Variants in ADO observed in about 807,000 individuals in gnomAD.
ADO encodes 2-aminoethanethiol (cysteamine) dioxygenase.
In ADO, 9 loss-of-function variants were observed where a neutral mutation model predicts 16.6. The ratio of observed to expected loss-of-function variants is 0.54; its 90% confidence interval spans 0.33 to 0.95. ADO has a LOEUF of 0.95. ADO is among the 40% of genes least tolerant of loss of function. The pLI is 0.03. For missense variants in ADO, 356 were observed against 386.4 expected (o/e 0.92, Z 0.66); for synonymous variants, 189 against 179.6 (o/e 1.05, Z -0.42).
In ADO at chr10:62,808,157, C is replaced by T; in HGVS notation, c.*2285C>T. 1.8e-5 allele frequency: 3 copies of T among 167,312 alleles called. No individual in the cohort carries two copies. The allele number at this position is 167,312 out of a possible 1,614,324, so 10.4% of individuals were successfully genotyped here. A position where few individuals can be genotyped will look rare whatever the true frequency, so the allele number is the denominator to read the frequency against. ...ATTTAGTTCAATAAGAACAGTGAAA[C>T]TTTTGGTTCACTAATAAATTCTGAG... On this transcript the variant is annotated 3_prime_UTR_variant, in exon 1 of 1. Transcript: ENST00000373783.
In ADO at chr10:62,808,282, C is replaced by T. The variant is rs1041983715; in HGVS notation, c.*2410C>T. 3 of 167,266 alleles carry T rather than the reference C, an allele frequency of 1.8e-5. No homozygotes were observed. Among genetic ancestry groups the T allele is most frequent in the Non-Finnish European group, 4.4e-5 (3 of 68,130 alleles). 10.4% of individuals were successfully genotyped at this position (167,266 alleles called of 1,614,324 possible). A position where few individuals can be genotyped will look rare whatever the true frequency, so the allele number is the denominator to read the frequency against. The stretch of plus-strand genomic sequence containing the variant: ...AAAATGTGGTGCAGAAACTATCTTG[C>T]ACCTGTGTGCATAAACTGTTAGTCG... On this transcript the variant is annotated 3_prime_UTR_variant, in exon 1 of 1. Coordinates refer to ENST00000373783, the MANE Select transcript of ADO (RefSeq NM_032804.6).
chr10:62,805,987 C>CCCAAGG lies in ADO; in HGVS notation c.*116_*117insCAAGGC. On this transcript the variant is annotated 3_prime_UTR_variant, in exon 1 of 1. Coordinates refer to ENST00000373783, the MANE Select transcript of ADO (RefSeq NM_032804.6). This position sits in a 1 kb window ranked among gnomAD's most constrained non-coding sequence, Gnocchi z 6.4. The stretch of plus-strand genomic sequence containing the variant: ...CTACTGGAATGAGCAGCAGCCGCTT[C>CCCAAGG]CTCGGCAGCCTTGGGAAGCACGGGC... 2.1e-6 allele frequency: 2 copies of CCCAAGG among 956,986 alleles called. No individual in the cohort carries two copies. The highest frequency in any genetic ancestry group is 2.8e-6 in the Non-Finnish European group (2 of 723,910). 59.3% of individuals were successfully genotyped at this position (956,986 alleles called of 1,614,324 possible). A position where few individuals can be genotyped will look rare whatever the true frequency, so the allele number is the denominator to read the frequency against.
Position 62,805,035 on chromosome 10 carries a change from C to T in ADO, c.-25C>T, listed in dbSNP as rs1001685158. The stretch of plus-strand genomic sequence containing the variant: ...GGCGGAGGAAAGGAGGGGGCCGGTC[C>T]CGGCACGCAGAGGAGCAGCCGACCA... On this transcript the variant is annotated 5_prime_UTR_variant, in exon 1 of 1. Coordinates refer to ENST00000373783, the MANE Select transcript of ADO (RefSeq NM_032804.6). The surrounding 1 kb of genome is among the most constrained non-coding windows in gnomAD (Gnocchi z 6.4). The T allele has an allele frequency of 2.1e-6, 3 of 1,433,776 alleles. No individual in the cohort carries two copies. Among genetic ancestry groups the T allele is most frequent in the Admixed American group, 6.1e-5 (2 of 33,034 alleles). The allele number at this position is 1,433,776 out of a possible 1,614,324, so 88.8% of individuals were successfully genotyped here. A position where few individuals can be genotyped will look rare whatever the true frequency, so the allele number is the denominator to read the frequency against.
Position 62,805,404 on chromosome 10 carries a change from G to A in ADO, c.345G>A (p.Pro115=), listed in dbSNP as rs541712569. 5.7e-6 allele frequency: 9 copies of A among 1,584,942 alleles called. No homozygotes were observed. Among genetic ancestry groups the A allele is most frequent in the East Asian group, 2.3e-5 (1 of 43,484 alleles). Residue 115 remains proline (P), a synonymous_variant, in exon 1 of 1, where the codon CCG becomes CCA. Coordinates refer to ENST00000373783, the MANE Select transcript of ADO (RefSeq NM_032804.6). The surrounding 1 kb of genome is among the most constrained non-coding windows in gnomAD (Gnocchi z 6.4). ...SGTSIPLHDH[P]GMHGMLKVLY... ...CGTCCATCCCGCTGCACGACCACCC[G>A]GGCATGCACGGCATGCTCAAGGTGC...
Position 62,807,233 on chromosome 10 carries a change from A to C in ADO, c.*1361A>C, listed in dbSNP as rs1426779893. ...CACATGTATTGACACCATTTGCTTC[A>C]GGCCATGGAGCACTGTTTCTCCCTT... is the stretch of plus-strand genomic sequence containing the variant. On this transcript the variant is annotated 3_prime_UTR_variant, in exon 1 of 1. Transcript: ENST00000373783. The C allele has an allele frequency of 6.0e-6, 1 of 167,240 alleles. No homozygotes were observed. The highest frequency in any genetic ancestry group is 1.5e-5 in the Non-Finnish European group (1 of 68,124). 10.4% of individuals were successfully genotyped at this position (167,240 alleles called of 1,614,324 possible). A position where few individuals can be genotyped will look rare whatever the true frequency, so the allele number is the denominator to read the frequency against.
chr10:62,804,901 G>A lies in ADO; in HGVS notation c.-159G>A, dbSNP rs2132688083. 1 of 585,758 alleles carries A rather than the reference G, an allele frequency of 1.7e-6. No individual in the cohort carries two copies. Among genetic ancestry groups the A allele is most frequent in the Middle Eastern group, 5.5e-4 (1 of 1,820 alleles). 36.3% of individuals were successfully genotyped at this position (585,758 alleles called of 1,614,324 possible). A position where few individuals can be genotyped will look rare whatever the true frequency, so the allele number is the denominator to read the frequency against. ...CGCGCCGGGCAGTTGCGGGCGCGTGGCTGCTGAGGTTGGCGGCGGTGCCGC... is the reference window on the plus strand; with the variant it reads ...CGCGCCGGGCAGTTGCGGGCGCGTGACTGCTGAGGTTGGCGGCGGTGCCGC... On this transcript the variant is annotated 5_prime_UTR_variant, in exon 1 of 1. Transcript: ENST00000373783.
At position 62,805,392 on chromosome 10, in the gene ADO, G is replaced by T; in HGVS notation, c.333G>T (p.Leu111=). Reference sequence around the variant, plus strand: ...TCAAGAGCGGCACGTCCATCCCGCTGCACGACCACCCGGGCATGCACGGCA... The same window carrying T: ...TCAAGAGCGGCACGTCCATCCCGCTTCACGACCACCCGGGCATGCACGGCA... The part of the protein sequence containing the change: ...FLLKSGTSIP[L]HDHPGMHGML... The change falls in exon 1 of 1, where the codon CTG becomes CTT. Residue 111 remains leucine, a synonymous_variant. Transcript: ENST00000373783. This position sits in a 1 kb window ranked among gnomAD's most constrained non-coding sequence, Gnocchi z 6.4. 1 of 1,592,272 alleles carries T rather than the reference G, an allele frequency of 6.3e-7. No homozygotes were observed. Among genetic ancestry groups the T allele is most frequent in the Non-Finnish European group, 8.5e-7 (1 of 1,172,928 alleles).
Position 62,805,358 on chromosome 10 carries a change from T to C in ADO, c.299T>C (p.Val100Ala). ...IYETDGFSLG[V>A]FLLKSGTSIP... The stretch of plus-strand genomic sequence containing the variant: ...GAGACGGACGGCTTCAGCCTGGGCG[T>C]GTTCCTGCTCAAGAGCGGCACGTCC... Residue 100 changes from valine to alanine, a missense_variant, in exon 1 of 1, where the codon GTG (valine) becomes GCG (alanine). Val to Ala is a moderately conservative substitution (Grantham distance 64). Transcript: ENST00000373783. This position sits in a 1 kb window ranked among gnomAD's most constrained non-coding sequence, Gnocchi z 6.4. 6.2e-7 allele frequency: 1 copy of C among 1,601,896 alleles called. No individual in the cohort carries two copies. Among genetic ancestry groups the C allele is most frequent in the Non-Finnish European group, 8.5e-7 (1 of 1,177,796 alleles).
At position 62,805,981 on chromosome 10, in the gene ADO, C is replaced by A; in HGVS notation, c.*109C>A. 9.6e-7 allele frequency: 1 copy of A among 1,043,694 alleles called. No homozygotes were observed. The highest frequency in any genetic ancestry group is 1.3e-6 in the Non-Finnish European group (1 of 795,376). 64.7% of individuals were successfully genotyped at this position (1,043,694 alleles called of 1,614,324 possible). Reference sequence around the variant, plus strand: ...TTGGATCTACTGGAATGAGCAGCAGCCGCTTCCTCGGCAGCCTTGGGAAGC... The same window carrying A: ...TTGGATCTACTGGAATGAGCAGCAGACGCTTCCTCGGCAGCCTTGGGAAGC... On this transcript the variant is annotated 3_prime_UTR_variant, in exon 1 of 1. Transcript: ENST00000373783. This position sits in a 1 kb window ranked among gnomAD's most constrained non-coding sequence, Gnocchi z 6.4.
In ADO at chr10:62,806,101, C is replaced by T. The variant is rs1289702515; in HGVS notation, c.*229C>T. 1 of 487,572 alleles carries T rather than the reference C, an allele frequency of 2.1e-6. No individual in the cohort carries two copies. Among genetic ancestry groups the T allele is most frequent in the Non-Finnish European group, 3.7e-6 (1 of 270,548 alleles). 30.2% of individuals were successfully genotyped at this position (487,572 alleles called of 1,614,324 possible). On this transcript the variant is annotated 3_prime_UTR_variant, in exon 1 of 1. Transcript: ENST00000373783. The stretch of plus-strand genomic sequence containing the variant: ...CCTGGTACTGTCACTGCCACTGGGG[C>T]TTTGATTTGGAGGAATGGGGCAGGG...
Position 62,805,589 on chromosome 10 carries a change from C to T in ADO, c.530C>T (p.Thr177Ile), listed in dbSNP as rs1289361332. 6.3e-7 allele frequency: 1 copy of T among 1,585,602 alleles called. No homozygotes were observed. Among genetic ancestry groups the T allele is most frequent in the Non-Finnish European group, 8.6e-7 (1 of 1,167,254 alleles). ...PGVLRSRAEY[T>I]EASGPCILTP... ...GTGCTGCGTTCGCGGGCCGAGTACACCGAGGCCAGCGGCCCCTGCATCCTC... is the reference window on the plus strand; with the variant it reads ...GTGCTGCGTTCGCGGGCCGAGTACATCGAGGCCAGCGGCCCCTGCATCCTC... The change falls in exon 1 of 1, where the codon ACC (threonine) becomes ATC (isoleucine). Residue 177 changes from threonine (T) to isoleucine (I), a missense_variant. Transcript: ENST00000373783. This position sits in a 1 kb window ranked among gnomAD's most constrained non-coding sequence, Gnocchi z 6.4.
Position 62,808,180 on chromosome 10 carries a change from G to T in ADO, c.*2308G>T, listed in dbSNP as rs1589078009. 1 of 167,218 alleles carries T rather than the reference G, an allele frequency of 6.0e-6. No homozygotes were observed. The highest frequency in any genetic ancestry group is 2.1e-4 in the South Asian group (1 of 4,830). The allele number at this position is 167,218 out of a possible 1,614,324, so 10.4% of individuals were successfully genotyped here. A position where few individuals can be genotyped will look rare whatever the true frequency, so the allele number is the denominator to read the frequency against. On this transcript the variant is annotated 3_prime_UTR_variant, in exon 1 of 1. Coordinates refer to ENST00000373783, the MANE Select transcript of ADO (RefSeq NM_032804.6). ...AACTTTTGGTTCACTAATAAATTCT[G>T]AGTAAATTAGTGGTGAAGACAAAAT...
Position 62,805,283 on chromosome 10 carries a change from T to C in ADO, c.224T>C (p.Leu75Pro), listed in dbSNP as rs761740161. 6.2e-7 allele frequency: 1 copy of C among 1,602,698 alleles called. No homozygotes were observed. The highest frequency in any genetic ancestry group is 1.1e-5 in the South Asian group (1 of 90,642). ...AACATCGCCCCGCGCAAGGCCACACTGCAGCCGCTGCCGCCCAACCTGCCG... is the reference window on the plus strand; with the variant it reads ...AACATCGCCCCGCGCAAGGCCACACCGCAGCCGCTGCCGCCCAACCTGCCG... Reference protein sequence around the residue: ...DLNIAPRKATLQPLPPNLPPV... With the variant: ...DLNIAPRKATPQPLPPNLPPV... The change falls in exon 1 of 1, where the codon CTG becomes CCG. Residue 75 changes from leucine (L) to proline (P), a missense_variant. By Grantham distance (98) the Leu-to-Pro change is moderately conservative (BLOSUM62 -3). Coordinates refer to ENST00000373783, the MANE Select transcript of ADO (RefSeq NM_032804.6). This position sits in a 1 kb window ranked among gnomAD's most constrained non-coding sequence, Gnocchi z 6.4.
rs927266396 is a variant in ADO, at chr10:62,807,008, T to C, written c.*1136T>C. On this transcript the variant is annotated 3_prime_UTR_variant, in exon 1 of 1. Transcript: ENST00000373783. ...GCCCTGGGTTCATCTAATGTGGTTT[T>C]CCTTAGGAAGAGATAGAAGGCACAG... 1 of 167,258 alleles carries C rather than the reference T, an allele frequency of 6.0e-6. No homozygotes were observed. Among genetic ancestry groups the C allele is most frequent in the Non-Finnish European group, 1.5e-5 (1 of 68,122 alleles). 10.4% of individuals were successfully genotyped at this position (167,258 alleles called of 1,614,324 possible). A position where few individuals can be genotyped will look rare whatever the true frequency, so the allele number is the denominator to read the frequency against.
chr10:62,804,785 G>A lies in ADO; in HGVS notation c.-275G>A, dbSNP rs1450038603. 1 of 242,228 alleles carries A rather than the reference G, an allele frequency of 4.1e-6. No homozygotes were observed. The highest frequency in any genetic ancestry group is 2.3e-5 in the African/African-American group (1 of 43,966). 15.0% of individuals were successfully genotyped at this position (242,228 alleles called of 1,614,324 possible). On this transcript the variant is annotated 5_prime_UTR_variant, in exon 1 of 1. Transcript: ENST00000373783. ...GAGCGCCGGGCGTAAGGCAAAGCCT[G>A]GCACCGTCTGCGCGGCCGCTATCTG...
chr10:62,805,140 C>T lies in ADO; in HGVS notation c.81C>T (p.Gly27=), dbSNP rs1389102248. The T allele has an allele frequency of 1.3e-6, 2 of 1,571,728 alleles. No homozygotes were observed. The change falls in exon 1 of 1, where the codon GGC becomes GGT. Residue 27 remains glycine (G), a synonymous_variant. Coordinates refer to ENST00000373783, the MANE Select transcript of ADO (RefSeq NM_032804.6). The surrounding 1 kb of genome is among the most constrained non-coding windows in gnomAD (Gnocchi z 6.4). ...TCACCTTCCGGGGCAGCGGGGGCGGCCGCGGCGCTTCCGATCGCGACGCGG... is the reference window on the plus strand; with the variant it reads ...TCACCTTCCGGGGCAGCGGGGGCGGTCGCGGCGCTTCCGATCGCGACGCGG... ...ACLTFRGSGG[G]RGASDRDAAS...
In ADO at chr10:62,808,356, A is replaced by G. The variant is rs963474876; in HGVS notation, c.*2484A>G. 2.4e-5 allele frequency: 4 copies of G among 167,274 alleles called. No individual in the cohort carries two copies. The Admixed American group carries it at 2.6e-4, about 11-fold the overall frequency. 10.4% of individuals were successfully genotyped at this position (167,274 alleles called of 1,614,324 possible). A position where few individuals can be genotyped will look rare whatever the true frequency, so the allele number is the denominator to read the frequency against. Reference sequence around the variant, plus strand: ...TGTGTTTCTATATACTCCGTCCAATATAGATAATGTTTTAATAACAACTGT... The same window carrying G: ...TGTGTTTCTATATACTCCGTCCAATGTAGATAATGTTTTAATAACAACTGT... On this transcript the variant is annotated 3_prime_UTR_variant, in exon 1 of 1. Coordinates refer to ENST00000373783, the MANE Select transcript of ADO (RefSeq NM_032804.6).
Position 62,805,946 on chromosome 10 carries a change from A to T in ADO, c.*74A>T. Reference sequence around the variant, plus strand: ...CACAAGGGCTGTGTCTCTACCCCCTAGCCTGGGCGTTGGATCTACTGGAAT... The same window carrying T: ...CACAAGGGCTGTGTCTCTACCCCCTTGCCTGGGCGTTGGATCTACTGGAAT... On this transcript the variant is annotated 3_prime_UTR_variant, in exon 1 of 1. Coordinates refer to ENST00000373783, the MANE Select transcript of ADO (RefSeq NM_032804.6). The surrounding 1 kb of genome is among the most constrained non-coding windows in gnomAD (Gnocchi z 6.4). The T allele has an allele frequency of 7.5e-7, 1 of 1,326,874 alleles. No individual in the cohort carries two copies. Among genetic ancestry groups the T allele is most frequent in the Non-Finnish European group, 9.9e-7 (1 of 1,013,910 alleles). The allele number at this position is 1,326,874 out of a possible 1,614,324, so 82.2% of individuals were successfully genotyped here. A position where few individuals can be genotyped will look rare whatever the true frequency, so the allele number is the denominator to read the frequency against.
rs1336556678 is a variant in ADO, at chr10:62,805,738, G to C, written c.679G>C (p.Glu227Gln). The C allele has an allele frequency of 1.3e-5, 21 of 1,609,746 alleles. No homozygotes were observed. The highest frequency in any genetic ancestry group is 1.7e-5 in the Non-Finnish European group (20 of 1,178,654). The change falls in exon 1 of 1, where the codon GAG becomes CAG. Residue 227 changes from glutamate to glutamine, a missense_variant. By Grantham distance (29) the Glu-to-Gln change is conservative. Transcript: ENST00000373783. The surrounding 1 kb of genome is among the most constrained non-coding windows in gnomAD (Gnocchi z 6.4). ...GRDCHYYRVL[E>Q]PVRPKEASSS... ...GGACTGCCACTATTACCGGGTGCTGGAGCCGGTCAGGCCCAAGGAGGCCTC... is the reference window on the plus strand; with the variant it reads ...GGACTGCCACTATTACCGGGTGCTGCAGCCGGTCAGGCCCAAGGAGGCCTC...
Sources: allele counts gnomAD v4.1 joint callset, GRCh38; gene constraint gnomAD v4.1.1; non-coding constraint Gnocchi (gnomAD v3.1); transcripts MANE v1.5; gene names NCBI Gene and HGNC (gene_info 2026-07-23, HGNC 2026-07-21).